Variants in TMEM117 observed in about 807,000 individuals in gnomAD.
TMEM117 encodes the protein transmembrane protein 117.
In TMEM117, 27 loss-of-function variants were observed where a neutral mutation model predicts 52.4. The ratio of observed to expected loss-of-function variants is 0.51; its 90% CI spans 0.38 to 0.71. TMEM117 has a LOEUF of 0.71. Among genes scored for constraint, TMEM117 ranks in the 30% least tolerant of loss-of-function variants. The pLI, the probability that TMEM117 is intolerant of heterozygous loss-of-function variation, is 0.00. For missense variants in TMEM117, 556 were observed against 630.5 expected (o/e 0.88, Z 1.26); for synonymous variants, 215 against 206.3 (o/e 1.04, Z -0.36).
intron 3 of TMEM117, among the ~76,000 whole-genome samples, chr12:44,079,559 T>A (rs1222870848): frequency 6.6e-6 from 1 of 152,158 alleles, no homozygotes; most frequent in East Asian, 1.9e-4. Flanking sequence ...TTGATGGAAT[T>A]GTTTGTTTTT....
At chr12:43,846,382 A>G (rs899787890) in intron 2 of TMEM117, among the ~76,000 whole-genome samples, 2 of 152,146 alleles carry the variant, frequency 1.3e-5, no homozygotes, top group African/African-American at 2.4e-5. Flanking sequence ...CTCCTTTTAC[A>G]CTGAAAATGA....
chr12:43,888,679 C>T (rs1216889693), intron 2 of TMEM117, among the ~76,000 whole-genome samples: 1 of 151,110 alleles, frequency 6.6e-6, no homozygotes, highest in Non-Finnish European at 1.5e-5. Flanking sequence ...TCCCGAGTAG[C>T]TGGGACTACA....
Position 43,844,877 on chromosome 12 carries a change from A to T in TMEM117, c.226A>T (p.Ile76Phe), listed in dbSNP as rs779794693. 7 of 1,614,218 alleles carry T rather than the reference A, an allele frequency of 4.3e-6. No homozygotes were observed. The highest frequency in any genetic ancestry group is 5.1e-6 in the Non-Finnish European group (6 of 1,180,040). ...ILKVLLWLLAILTGLIAGKFL... is the reference protein window; with the variant it reads ...ILKVLLWLLAFLTGLIAGKFL... ...GAAGGTGCTTCTATGGCTACTTGCC[A>T]TTCTCACAGGACTAATAGCTGGCAA... The change falls in exon 2 of 8, where the codon ATT (isoleucine) becomes TTT (phenylalanine). Residue 76 changes from isoleucine (I) to phenylalanine (F), a missense_variant. This residue lies in a region of TMEM117 where 328 missense variants were observed against 371.4 expected (regional missense o/e 0.88). Coordinates refer to ENST00000266534, the MANE Select transcript of TMEM117 (RefSeq NM_032256.3).
Position 44,389,050 on chromosome 12 carries a change from C to A in TMEM117, c.*378C>A. The A allele has an allele frequency of 5.6e-6, 1 of 179,234 alleles. No homozygotes were observed. The highest frequency in any genetic ancestry group is 1.2e-5 in the Non-Finnish European group (1 of 83,154). 11.1% of individuals were successfully genotyped at this position (179,234 alleles called of 1,614,324 possible). Reference sequence around the variant, plus strand: ...TGGAACAGTTACCTAACCTATTTCACATGGGCGTTTTGTATACAACTATTT... The same window carrying A: ...TGGAACAGTTACCTAACCTATTTCAAATGGGCGTTTTGTATACAACTATTT... On this transcript the variant is annotated 3_prime_UTR_variant, in exon 8 of 8. Transcript: ENST00000266534.
chr12:44,092,373 A>G (rs1431650215), intron 3 of TMEM117, among the ~76,000 whole-genome samples: 2 of 152,214 alleles, frequency 1.3e-5, no homozygotes, highest in East Asian at 1.9e-4. Context: ...TGAGCTCAGT[A>G]CAGTGGGCCA....
intron 5 of TMEM117, among the ~76,000 whole-genome samples, chr12:44,291,523 C>A (rs542652981): frequency 1.3e-5 from 2 of 151,710 alleles, no homozygotes; most frequent in African/African-American, 4.8e-5. Context: ...GCTAGACTTT[C>A]AGTACCATGT....
intron 2 of TMEM117, among the ~76,000 whole-genome samples, chr12:43,882,805 T>C (rs1016897412): frequency 5.3e-5 from 8 of 152,226 alleles, no homozygotes; most frequent in Admixed American, 5.2e-4. Context: ...GATGATCAGA[T>C]GTAGACTTTA....
intron 2 of TMEM117, among the ~76,000 whole-genome samples, chr12:43,934,055 G>C (rs1233273814): frequency 1.3e-5 from 2 of 152,178 alleles, no homozygotes; most frequent in African/African-American, 4.8e-5. Flanking sequence ...TGTTTGGTGG[G>C]TTTTGACCTT....
chr12:44,031,392 C>G (rs1265713557), intron 3 of TMEM117, among the ~76,000 whole-genome samples: 2 of 152,116 alleles, frequency 1.3e-5, no homozygotes, highest in Admixed American at 6.6e-5. Flanking sequence ...TGTTTTGGTC[C>G]TCTTTACAAG....
chr12:44,276,067 A>T (rs1327274285), intron 5 of TMEM117, among the ~76,000 whole-genome samples: 1 of 152,164 alleles, frequency 6.6e-6, no homozygotes, highest in African/African-American at 2.4e-5. Context: ...CCATAAATAT[A>T]TACACCTACT....
intron 3 of TMEM117, among the ~76,000 whole-genome samples, chr12:44,134,458 C>T (rs1446989367): frequency 6.6e-6 from 1 of 152,144 alleles, no homozygotes; most frequent in African/African-American, 2.4e-5. Flanking sequence ...GACCATATAT[C>T]ACATTTTTTA....
At chr12:44,002,874 G>T (rs1946137625) in intron 3 of TMEM117, among the ~76,000 whole-genome samples, 2 of 152,130 alleles carry the variant, frequency 1.3e-5, no homozygotes, top group South Asian at 2.1e-4. Flanking sequence ...CCAGGGACAG[G>T]ACTTTGTAGG....
chr12:43,823,406 G>C, the TMEM117 span, among the ~76,000 whole-genome samples: 1 of 152,166 alleles, frequency 6.6e-6, no homozygotes, highest in Admixed American at 6.5e-5. Context: ...GAGGCTAAAC[G>C]ATGAGATGAT....
At chr12:44,299,419 C>T (rs1042529078) in intron 5 of TMEM117, among the ~76,000 whole-genome samples, 161 bp from the exon 6 acceptor site, 2 of 152,218 alleles carry the variant, frequency 1.3e-5, no homozygotes, top group African/African-American at 4.8e-5. Context: ...AGGCATGAGC[C>T]ACCATGCCCG....
chr12:44,183,878 G>C (rs75979833), intron 4 of TMEM117, among the ~76,000 whole-genome samples: 3 of 152,104 alleles, frequency 2.0e-5, no homozygotes, highest in African/African-American at 7.2e-5. Flanking sequence ...CATTTCACAC[G>C]CAGCAAGACC....
chr12:44,187,570 T>C (rs1043347684), intron 4 of TMEM117, among the ~76,000 whole-genome samples: 2 of 152,134 alleles, frequency 1.3e-5, no homozygotes, highest in Non-Finnish European at 2.9e-5. Flanking sequence ...TAAGATGGGA[T>C]CTCTAACCTG....
At chr12:44,084,266 T>C (rs1028771254) in intron 3 of TMEM117, among the ~76,000 whole-genome samples, 15 of 152,176 alleles carry the variant, frequency 9.9e-5, no homozygotes, top group African/African-American at 3.4e-4. Context: ...AAACATCATT[T>C]ATATTATACT....
At chr12:44,341,711 T>C (rs970912627) in intron 6 of TMEM117, among the ~76,000 whole-genome samples, 3 of 152,046 alleles carry the variant, frequency 2.0e-5, no homozygotes, top group African/African-American at 7.2e-5. Context: ...TCACATCCGA[T>C]GACAAAGGAT....
rs140367012 is a variant in TMEM117 at position 44,025,919 on chromosome 12, G to A, written c.410+81577G>A. Among the ~76,000 whole-genome samples, 213 of 152,180 alleles carry A rather than the reference G, an allele frequency of 1.4e-3. 3 individuals are homozygous for A. In the East Asian group the frequency reaches 0.024, roughly 17 times the overall value. ...CCTATCCGCCCCCCCCACCCATAGA[G>A]GTATGTGTATATCCTTTTGGAGGAA... On this transcript the variant is annotated intron_variant, in intron 3 of 7. Coordinates refer to ENST00000266534, the MANE Select transcript of TMEM117 (RefSeq NM_032256.3).
Sources: allele counts gnomAD v4.1 joint callset (sites outside exome capture counted in the v4.1 genomes callset), GRCh38; gene constraint gnomAD v4.1.1; regional missense constraint gnomAD v4.1.1; transcripts MANE v1.5; gene names NCBI Gene and HGNC (gene_info 2026-07-23, HGNC 2026-07-21).